Variants in GART observed in about 807,000 individuals in gnomAD.
GART encodes the protein trifunctional purine biosynthetic protein adenosine-3.
A neutral mutation model predicts 107.2 loss-of-function variants in GART; 43 were observed. That is an observed-to-expected ratio of 0.40 (90% CI 0.31 to 0.52). The LOEUF (loss-of-function observed/expected upper bound fraction) is 0.52. Ranked by LOEUF, GART falls within the 20% of genes least tolerant of loss-of-function variation. The pLI, the probability that GART is intolerant of heterozygous loss-of-function variation, is 0.52. For synonymous variants in GART, 434 were observed against 427.0 expected (o/e 1.02, Z -0.20); for missense variants, 1,107 against 1,206.5 (o/e 0.92, Z 1.22).
intron 20 of GART, 94 bp from the exon 21 acceptor site, chr21:33,504,621 A>G: frequency 1.2e-6 from 1 of 858,070 alleles, no homozygotes; most frequent in Non-Finnish European, 1.8e-6. Flanking sequence ...GAAGTCAAAC[A>G]GGAGTTGGAT....
Position 33,504,228 on chromosome 21 carries a change from T to G in GART, c.2929A>C (p.Lys977Gln). 3 of 1,614,204 alleles carry G rather than the reference T, an allele frequency of 1.9e-6. No homozygotes were observed. The highest frequency in any genetic ancestry group is 2.5e-6 in the Non-Finnish European group (3 of 1,180,014). Residue 977 changes from lysine (K) to glutamine (Q), a missense_variant, in exon 22 of 22, where the codon AAA becomes CAA. By Grantham distance (53) the Lys-to-Gln change is moderately conservative. Transcript: ENST00000381815. Reference protein sequence around the residue: ...DTVATLSERVKLAEHKIFPAA... With the variant: ...DTVATLSERVQLAEHKIFPAA... ...GGAAATATTTTATGTTCTGCTAATT[T>G]TACTCTTTCAGAAAGAGTTGCGACA...
chr21:33,530,935 A>C, intron 6 of GART, 51 bp from the exon 7 acceptor site: 1 of 1,480,610 alleles, frequency 6.8e-7, no homozygotes, highest in Non-Finnish European at 8.9e-7. Flanking sequence ...AAAACTAAAA[A>C]AAAAAATTTA....
intron 14 of GART, among the ~76,000 whole-genome samples, chr21:33,518,321 C>T (rs1214771877): frequency 6.6e-6 from 1 of 151,948 alleles, no homozygotes; most frequent in Admixed American, 6.6e-5. Context: ...CTACTAAAAA[C>T]ACAAAAATTA....
intron 20 of GART, among the ~76,000 whole-genome samples, 153 bp from the exon 21 acceptor site, chr21:33,504,680 A>G (rs146110526): frequency 6.6e-6 from 1 of 152,278 alleles, no homozygotes; most frequent in Non-Finnish European, 1.5e-5. Flanking sequence ...AGGTAAAAGT[A>G]AGTTCTCATC....
At chr21:33,530,937 A>C in intron 6 of GART, 53 bp from the exon 7 acceptor site, 1 of 1,478,780 alleles carries the variant, frequency 6.8e-7, no homozygotes, top group Non-Finnish European at 8.9e-7. Context: ...AACTAAAAAA[A>C]AAAATTTAGT....
At position 33,538,937 on chromosome 21, in the gene GART, C is replaced by T. The variant is rs376942603; in HGVS notation, c.145+234G>A. Among the ~76,000 whole-genome samples, 20 of 152,224 alleles carry T rather than the reference C, an allele frequency of 1.3e-4. 2 individuals are homozygous for T. In the South Asian group the frequency reaches 3.9e-3, roughly 30 times the overall value. On this transcript the variant is annotated intron_variant, in intron 2 of 21. Coordinates refer to ENST00000381815, the MANE Select transcript of GART (RefSeq NM_000819.5). The stretch of plus-strand genomic sequence containing the variant: ...CTGGGACTACAGGCACCCGCCACCA[C>T]GCCCGGCTAATTTTTTGTATTTTTA...
At position 33,539,265 on chromosome 21, in the gene GART, C is replaced by T; in HGVS notation, c.51G>A (p.Leu17=). The T allele has an allele frequency of 6.2e-7, 1 of 1,614,116 alleles. No individual in the cohort carries two copies. Among genetic ancestry groups the T allele is most frequent in the Non-Finnish European group, 8.5e-7 (1 of 1,179,970 alleles). ...GATGAGACTGTGCAAGTTTCCAGGC[C>T]AGCGTATGTTCCCTTCCTCCACTGC... ...IIGSGGREHT[L]AWKLAQSHHV... is the part of the protein sequence containing the mutation. Residue 17 remains leucine (L), a synonymous_variant, in exon 2 of 22, where the codon CTG becomes CTA. Coordinates refer to ENST00000381815, the MANE Select transcript of GART (RefSeq NM_000819.5).
intron 14 of GART, 94 bp downstream of exon 14, chr21:33,520,270 C>T (rs1451076373): frequency 9.6e-7 from 1 of 1,040,360 alleles, no homozygotes; most frequent in African/African-American, 1.6e-5. Flanking sequence ...TACAGTCTCT[C>T]TTGCTAGCTA....
At chr21:33,531,767 G>A in intron 5 of GART, 3 of 507,684 alleles carry the variant, frequency 5.9e-6, no homozygotes, top group Middle Eastern at 5.3e-4. Context: ...TGGTACAGAC[G>A]GAATAAACAC....
At chr21:33,525,219 T>A (rs910310273) in intron 10 of GART, among the ~76,000 whole-genome samples, 1 of 151,474 alleles carries the variant, frequency 6.6e-6, no homozygotes, top group Non-Finnish European at 1.5e-5. Flanking sequence ...ACCTCGCCTC[T>A]ACATAAATAA....
chr21:33,537,914 T>C (rs4817579), intron 2 of GART, among the ~76,000 whole-genome samples: 99,950 of 151,916 alleles, frequency 0.66, 32,859 homozygotes, highest in East Asian at 0.73. Flanking sequence ...ATGTAGTATA[T>C]GAACTGACCA....
chr21:33,531,217 A>G (rs1364031420), intron 6 of GART: 4 of 430,476 alleles, frequency 9.3e-6, no homozygotes, highest in Non-Finnish European at 1.6e-5. Flanking sequence ...TAAACTGTAT[A>G]TGAAAGAAAA....
At chr21:33,526,813 T>C (rs1421130646) in intron 10 of GART, among the ~76,000 whole-genome samples, 3 of 152,344 alleles carry the variant, frequency 2.0e-5, no homozygotes, top group East Asian at 3.9e-4. Flanking sequence ...GGGGACAGTT[T>C]ATGTAAAGAT....
At chr21:33,504,550 T>C in intron 20 of GART, 23 bp from the exon 21 acceptor site, 1 of 1,525,352 alleles carries the variant, frequency 6.6e-7, no homozygotes, top group Non-Finnish European at 9.1e-7. Flanking sequence ...AAAAGCATAG[T>C]GGTCAGAATT....
chr21:33,508,836 C>T (rs1410788227), intron 18 of GART, among the ~76,000 whole-genome samples: 2 of 152,042 alleles, frequency 1.3e-5, no homozygotes, highest in East Asian at 1.9e-4. Context: ...ATCTTTATGT[C>T]CACATGTACC....
Position 33,531,592 on chromosome 21 carries a change from A to G in GART, c.529-35T>C, listed in dbSNP as rs369658621. The G allele has an allele frequency of 7.6e-5, 112 of 1,482,100 alleles. No homozygotes were observed. In the African/African-American group the frequency reaches 1.4e-3, roughly 19 times the overall value. 91.8% of individuals were successfully genotyped at this position (1,482,100 alleles called of 1,614,324 possible). The stretch of plus-strand genomic sequence containing the variant: ...AGATTTTTTTTTTTTTTTTTTTTAA[A>G]AAAAGAGGCTTGGTAAGTTTTTGAT... On this transcript the variant is annotated intron_variant, in intron 5 of 21. Coordinates refer to ENST00000381815, the MANE Select transcript of GART (RefSeq NM_000819.5).
intron 14 of GART, 143 bp downstream of exon 14, chr21:33,520,221 A>G (rs1214367518): frequency 5.8e-6 from 4 of 684,942 alleles, no homozygotes; most frequent in Non-Finnish European, 9.9e-6. Flanking sequence ...TTTTACCTAT[A>G]TTTCATTTGT....
intron 7 of GART, 28 bp downstream of exon 7, chr21:33,530,731 A>C: frequency 7.2e-7 from 1 of 1,388,990 alleles, no homozygotes; most frequent in South Asian, 1.9e-5. Flanking sequence ...AACTACTACA[A>C]GACTTCAGCA....
intron 18 of GART, among the ~76,000 whole-genome samples, chr21:33,506,497 C>T (rs895976644): frequency 3.3e-5 from 5 of 152,144 alleles, no homozygotes; most frequent in Admixed American, 3.3e-4. Context: ...GTCAAATTTT[C>T]TGAATAAATG....
Sources: gnomAD v4.1 joint callset for allele counts (sites outside exome capture counted in the v4.1 genomes callset) on GRCh38, gnomAD v4.1.1 for gene constraint, MANE v1.5 for transcripts, NCBI Gene and HGNC (gene_info 2026-07-23, HGNC 2026-07-21) for gene names.